RCOR1: variants seen among roughly 807,000 people sequenced by gnomAD.
RCOR1 encodes REST corepressor 1.
A neutral mutation model predicts 64.0 loss-of-function variants in RCOR1; 12 were observed. That is an observed-to-expected ratio of 0.19 (90% CI 0.12 to 0.30). The LOEUF (loss-of-function observed/expected upper bound fraction) is 0.30. RCOR1 is among the 10% of genes least tolerant of loss of function. The pLI is 1.00. For synonymous variants in RCOR1, 279 were observed against 227.2 expected, an observed-to-expected ratio of 1.23 and a Z score of -2.05; for missense variants, 502 against 621.2, an observed-to-expected ratio of 0.81 and a Z score of 2.04.
At chr14:102,604,466 C>A (rs1446817555) in intron 2 of RCOR1, among the ~76,000 whole-genome samples, 1 of 152,098 alleles carries the variant, frequency 6.6e-6, no homozygotes, top group African/African-American at 2.4e-5. Flanking sequence ...TTACTCTGTG[C>A]CAGGCTAGTT....
chr14:102,708,051 C>T (rs570985048), intron 5 of RCOR1, among the ~76,000 whole-genome samples: 121 of 151,704 alleles, frequency 8.0e-4, no homozygotes, highest in Non-Finnish European at 1.5e-3. Context: ...CTGAAAGCTC[C>T]GCCTCCCGGG....
rs1167004678 is a variant in RCOR1 at position 102,592,655 on chromosome 14, A to G, written c.-232A>G. 1 of 1,154,504 alleles carries G rather than the reference A, an allele frequency of 8.7e-7. No homozygotes were observed. The highest frequency in any genetic ancestry group is 1.1e-6 in the Non-Finnish European group (1 of 943,584). 71.5% of individuals were successfully genotyped at this position (1,154,504 alleles called of 1,614,324 possible). On this transcript the variant is annotated 5_prime_UTR_variant, in exon 1 of 12. Transcript: ENST00000262241. Reference sequence around the variant, plus strand: ...CGCTGCTCCCGGAGTAGTTGGTGCCAGTGAAGTGAGGGCGGCGATGAGAGC... The same window carrying G: ...CGCTGCTCCCGGAGTAGTTGGTGCCGGTGAAGTGAGGGCGGCGATGAGAGC...
chr14:102,702,795 C>T (rs1039988174), intron 4 of RCOR1, among the ~76,000 whole-genome samples: 2 of 152,082 alleles, frequency 1.3e-5, no homozygotes, highest in Admixed American at 6.6e-5. Flanking sequence ...ATTCAGATGT[C>T]CAGGTTTTAA....
chr14:102,647,880 T>C (rs937580412), intron 2 of RCOR1, among the ~76,000 whole-genome samples: 2 of 151,668 alleles, frequency 1.3e-5, no homozygotes, highest in African/African-American at 2.4e-5. Flanking sequence ...AGTTTTGCCA[T>C]GTTGACCAGG....
intron 2 of RCOR1, among the ~76,000 whole-genome samples, chr14:102,653,939 CTTTCT>C (rs1894651129): frequency 2.9e-5 from 1 of 34,772 alleles, no homozygotes; most frequent in Non-Finnish European, 5.4e-5. Context: ...TTCTTTCTTT[CTTTCT>C]TTCTTTCTTT....
At chr14:102,627,456 A>T (rs1257413284) in intron 2 of RCOR1, among the ~76,000 whole-genome samples, 1 of 152,230 alleles carries the variant, frequency 6.6e-6, no homozygotes, top group Non-Finnish European at 1.5e-5. Flanking sequence ...CAGGAGATTG[A>T]GACCAGCCTG....
rs1160437928 is a variant in RCOR1 at position 102,653,983 on chromosome 14, C to CTTTT, written c.362-27895_362-27892dup. ...TCTTTCTTTCTTTCTTTCTTTCTTTCTTTTTTTTTTTTTTTTTTTTGAGAC... is the reference window on the plus strand; with the variant it reads ...TCTTTCTTTCTTTCTTTCTTTCTTTCTTTTTTTTTTTTTTTTTTTTTTTTGAGAC... On this transcript the variant is annotated intron_variant, in intron 2 of 11. Transcript: ENST00000262241. 1.8e-4 allele frequency among the ~76,000 whole-genome samples: 6 copies of CTTTT among 33,170 alleles called. 1 individual carries two copies. Among genetic ancestry groups the CTTTT allele is most frequent in the Admixed American group, 4.9e-4 (1 of 2,052 alleles). The allele number at this position is 33,170 out of a possible 152,430, so 21.8% of individuals were successfully genotyped here.
rs1893188813 is a variant in RCOR1 at position 102,593,901 on chromosome 14, G to GGAA, written c.361+579_361+581dup. ...TGTTTTCCAGAGGGCGCCTGCCTGG[G>GGAA]GAAGAGAGTCTCGCGTGTGGCAGTT... On this transcript the variant is annotated intron_variant, in intron 2 of 11. Coordinates refer to ENST00000262241, the MANE Select transcript of RCOR1 (RefSeq NM_015156.4). 2.0e-5 allele frequency among the ~76,000 whole-genome samples: 3 copies of GGAA among 152,340 alleles called. No homozygotes were observed. In the South Asian group the frequency reaches 6.2e-4, roughly 32 times the overall value.
chr14:102,642,678 T>C (rs1395238829), intron 2 of RCOR1, among the ~76,000 whole-genome samples: 1 of 151,782 alleles, frequency 6.6e-6, no homozygotes, highest in Non-Finnish European at 1.5e-5. Flanking sequence ...TCTATAAAAA[T>C]TATAAAAATA....
chr14:102,675,610 T>C (rs1420697326), intron 2 of RCOR1, among the ~76,000 whole-genome samples: 2 of 152,200 alleles, frequency 1.3e-5, no homozygotes, highest in Non-Finnish European at 2.9e-5. Context: ...ATTCAGGTAC[T>C]ATTCCTGGAA....
intron 2 of RCOR1, chr14:102,655,400 C>T (rs1894702361): frequency 3.0e-6 from 3 of 985,092 alleles, no homozygotes; most frequent in Admixed American, 6.2e-5. Flanking sequence ...AGCTCATTGA[C>T]ATTCCTTCCT....
At chr14:102,596,041 T>C (rs75535034) in intron 2 of RCOR1, among the ~76,000 whole-genome samples, 3,552 of 152,240 alleles carry the variant, frequency 0.023, 131 homozygotes, top group African/African-American at 0.076. Flanking sequence ...TATGTGTCTT[T>C]TCATTTAACT....
chr14:102,672,243 C>T (rs1043043283), intron 2 of RCOR1, among the ~76,000 whole-genome samples: 33 of 152,092 alleles, frequency 2.2e-4, no homozygotes, highest in East Asian at 9.7e-4. Context: ...GATGGAGTCT[C>T]GCTCTGTTGC....
chr14:102,722,389 C>T lies in RCOR1; in HGVS notation c.1392C>T (p.Ser464=). 2 of 1,613,454 alleles carry T rather than the reference C, an allele frequency of 1.2e-6. No individual in the cohort carries two copies. The part of the protein sequence containing the change: ...NQKPVKSPDN[S]IKMPEEEDEA... The stretch of plus-strand genomic sequence containing the variant: ...AGCCTGTGAAGTCCCCAGATAATTC[C>T]ATTAAGATGCCCGAAGAGGAAGACG... Residue 464 remains serine, a synonymous_variant, in exon 11 of 12, where the codon TCC becomes TCT. Coordinates refer to ENST00000262241, the MANE Select transcript of RCOR1 (RefSeq NM_015156.4).
chr14:102,616,796 T>G (rs1184712377), intron 2 of RCOR1, among the ~76,000 whole-genome samples: 1 of 152,134 alleles, frequency 6.6e-6, no homozygotes, highest in Non-Finnish European at 1.5e-5. Flanking sequence ...CCCAATCCTT[T>G]CAGGTTTTTA....
chr14:102,707,562 T>C lies in RCOR1; in HGVS notation c.660+50T>C, dbSNP rs1430080824. ...CTATTTTTTTTCTCCTATCTAACTC[T>C]CTTTTGCAGCATACTTGAGATAGGG... On this transcript the variant is annotated intron_variant, in intron 5 of 11. Transcript: ENST00000262241. 5 of 1,426,224 alleles carry C rather than the reference T, an allele frequency of 3.5e-6. No individual in the cohort carries two copies. In the African/African-American group the frequency reaches 7.3e-5, roughly 21 times the overall value. 88.3% of individuals were successfully genotyped at this position (1,426,224 alleles called of 1,614,324 possible).
At chr14:102,719,063 A>T (rs1896124189) in intron 8 of RCOR1, among the ~76,000 whole-genome samples, 1 of 151,996 alleles carries the variant, frequency 6.6e-6, no homozygotes, top group Admixed American at 6.6e-5. Flanking sequence ...AAGGGCTGTG[A>T]TTACAGGTGT....
chr14:102,707,996 C>T (rs1169031207), intron 5 of RCOR1, among the ~76,000 whole-genome samples: 2 of 140,910 alleles, frequency 1.4e-5, no homozygotes, highest in African/African-American at 5.4e-5. Context: ...GATGGAGTCT[C>T]ACTGTGTCGC....
intron 3 of RCOR1, 68 bp downstream of exon 3, chr14:102,682,046 G>A (rs1595228182): frequency 1.0e-6 from 1 of 988,248 alleles, no homozygotes; most frequent in East Asian, 2.4e-5. Context: ...TACCTTTGAA[G>A]GTAAAAGCTT....
Sources: allele counts gnomAD v4.1 joint callset (sites outside exome capture counted in the v4.1 genomes callset), GRCh38; gene constraint gnomAD v4.1.1; transcripts MANE v1.5; gene names NCBI Gene and HGNC (gene_info 2026-07-23, HGNC 2026-07-21).